The following ZSWIM4 variants were observed in gnomAD, a reference collection of about 807,000 sequenced individuals.
ZSWIM4 encodes the protein zinc finger SWIM-type containing 4.
A neutral mutation model predicts 102.5 loss-of-function variants in ZSWIM4; 62 were observed. That is an observed-to-expected ratio of 0.60 (90% CI 0.49 to 0.75). ZSWIM4 has a LOEUF of 0.75. Ranked by LOEUF, ZSWIM4 falls within the 30% of genes least tolerant of loss-of-function variation. The pLI, the probability that ZSWIM4 is intolerant of heterozygous loss-of-function variation, is 0.00. For missense variants in ZSWIM4, 1,280 were observed against 1,529.6 expected, an observed-to-expected ratio of 0.84 and a Z score of 2.72; for synonymous variants, 652 against 674.5, an observed-to-expected ratio of 0.97 and a Z score of 0.52.
rs746323325 is a variant in ZSWIM4, at chr19:13,814,881, G to A, written c.1531+16G>A. The A allele has an allele frequency of 8.1e-5, 99 of 1,219,460 alleles. No homozygotes were observed. The highest frequency in any genetic ancestry group is 1.0e-4 in the Non-Finnish European group (97 of 943,804). 75.5% of individuals were successfully genotyped at this position (1,219,460 alleles called of 1,614,324 possible). A position where few individuals can be genotyped will look rare whatever the true frequency, so the allele number is the denominator to read the frequency against. On this transcript the variant is annotated intron_variant, in intron 7 of 13. Coordinates refer to ENST00000590508, the MANE Select transcript of ZSWIM4 (RefSeq NM_001367834.3). ...CAGAAAAAAGGTCAGCCTCAGCCGG[G>A]CACGGGGGCTCGCACCTGTGATCCC...
chr19:13,801,456 G>A (rs1974769290), intron 2 of ZSWIM4, among the ~76,000 whole-genome samples: 1 of 152,122 alleles, frequency 6.6e-6, no homozygotes, highest in African/African-American at 2.4e-5. Flanking sequence ...GATGCTTTGG[G>A]CCAGGGGTTT....
intron 11 of ZSWIM4, among the ~76,000 whole-genome samples, chr19:13,824,734 AAATAATAATAATAATAATAAT>A (rs59668197): frequency 0.36 from 52,434 of 146,718 alleles, 10,172 homozygotes; most frequent in African/African-American, 0.52. Context: ...CTCCATCTCA[AAATAATAATAATAATAATAAT>A]AATAATAATA....
At chr19:13,817,090 C>G in intron 7 of ZSWIM4, 126 bp from the exon 8 acceptor site, 1 of 1,344,440 alleles carries the variant, frequency 7.4e-7, no homozygotes, top group South Asian at 1.5e-5. Flanking sequence ...TGAAGGTGAC[C>G]ATTGGGTGAG....
At chr19:13,830,161 G>A (rs1416522809) in intron 13 of ZSWIM4, 30 bp from the exon 14 acceptor site, 1 of 1,594,872 alleles carries the variant, frequency 6.3e-7, no homozygotes, top group Non-Finnish European at 8.5e-7. Flanking sequence ...CCCCGCTCCT[G>A]ACGGATTTCC....
chr19:13,818,998 G>A (rs1413638241), intron 9 of ZSWIM4, among the ~76,000 whole-genome samples: 3 of 152,028 alleles, frequency 2.0e-5, no homozygotes, highest in Non-Finnish European at 4.4e-5. Flanking sequence ...GAGTAGCTGG[G>A]ACTACTTGCG....
rs1309252535 is a variant in ZSWIM4, at chr19:13,809,367, G to T, written c.1012+147G>T. Reference sequence around the variant, plus strand: ...GAGCGCCTCTAAAGTGCCAGGCATGGTACTGGGCACTGGTGGTCCGGCAGA... The same window carrying T: ...GAGCGCCTCTAAAGTGCCAGGCATGTTACTGGGCACTGGTGGTCCGGCAGA... On this transcript the variant is annotated intron_variant, in intron 5 of 13. Transcript: ENST00000590508. The surrounding 1 kb of genome is among the most constrained non-coding windows in gnomAD (Gnocchi z 4.2). 10 of 1,162,928 alleles carry T rather than the reference G, an allele frequency of 8.6e-6. No homozygotes were observed. Among genetic ancestry groups the T allele is most frequent in the Non-Finnish European group, 1.1e-5 (9 of 851,674 alleles). The allele number at this position is 1,162,928 out of a possible 1,614,324, so 72.0% of individuals were successfully genotyped here.
chr19:13,806,348 G>A (rs1390847780), intron 3 of ZSWIM4, among the ~76,000 whole-genome samples: 2 of 151,804 alleles, frequency 1.3e-5, no homozygotes, highest in East Asian at 2.0e-4. Flanking sequence ...CAGCCTGGAC[G>A]GGATATTAAC....
At chr19:13,808,053 C>T (rs112844214) in intron 3 of ZSWIM4, among the ~76,000 whole-genome samples, 1 of 151,714 alleles carries the variant, frequency 6.6e-6, no homozygotes, top group Non-Finnish European at 1.5e-5. Flanking sequence ...AGAGAGAGAG[C>T]GAAGGGGGAG....
intron 3 of ZSWIM4, 56 bp downstream of exon 3, chr19:13,805,204 CACTTG>C: frequency 6.9e-7 from 1 of 1,451,438 alleles, no homozygotes; most frequent in Non-Finnish European, 9.5e-7. Flanking sequence ...ACAGCCACGC[CACTTG>C]CTGTGTGCCC....
rs375050232 is a variant in ZSWIM4 at position 13,830,862 on chromosome 19, C to G, written c.3133C>G (p.His1045Asp). The G allele has an allele frequency of 6.2e-7, 1 of 1,613,620 alleles. No homozygotes were observed. Among genetic ancestry groups the G allele is most frequent in the African/African-American group, 1.3e-5 (1 of 74,950 alleles). ...AAVTAYITTS[H>D]SRLTHISPRH... ...AGTCACCGCCTACATCACCACCAGC[C>G]ACTCGCGCCTCACGCACATCAGCCC... The change falls in exon 14 of 14, where the codon CAC becomes GAC. Residue 1045 changes from histidine to aspartate, a missense_variant. Physicochemically the swap from His to Asp is moderately conservative, Grantham distance 81 (BLOSUM62 -1). Transcript: ENST00000590508.
rs1374600723 is a variant in ZSWIM4 at position 13,819,457 on chromosome 19, G to A, written c.2025G>A (p.Pro675=). The A allele has an allele frequency of 2.5e-6, 4 of 1,608,636 alleles. No homozygotes were observed. The highest frequency in any genetic ancestry group is 1.7e-5 in the Admixed American group (1 of 59,224). The change falls in exon 10 of 14, where the codon CCG becomes CCA. Residue 675 remains proline (P), a synonymous_variant. Coordinates refer to ENST00000590508, the MANE Select transcript of ZSWIM4 (RefSeq NM_001367834.3). ...YLFTALLPHD[P]DLAYRLALRA... is the part of the protein sequence containing the mutation. The stretch of plus-strand genomic sequence containing the variant: ...TCACCGCACTGCTGCCTCATGACCC[G>A]GACCTGGCCTATCGCCTCGCGCTGC...
chr19:13,830,576 C>T lies in ZSWIM4; in HGVS notation c.2847C>T (p.Leu949=). ...TGGCGACGCTGGCCCTGGCGCAGCTCAGCATCGCCTTCAACCAGGACAGCC... is the reference window on the plus strand; with the variant it reads ...TGGCGACGCTGGCCCTGGCGCAGCTTAGCATCGCCTTCAACCAGGACAGCC... ...YKLATLALAQ[L]SIAFNQDSHP... The change falls in exon 14 of 14, where the codon CTC becomes CTT. Residue 949 remains leucine (L), a synonymous_variant. Coordinates refer to ENST00000590508, the MANE Select transcript of ZSWIM4 (RefSeq NM_001367834.3). 1 of 1,599,828 alleles carries T rather than the reference C, an allele frequency of 6.3e-7. No individual in the cohort carries two copies. The highest frequency in any genetic ancestry group is 8.5e-7 in the Non-Finnish European group (1 of 1,179,762).
At position 13,830,756 on chromosome 19, in the gene ZSWIM4, TCTGG is replaced by T; in HGVS notation, c.3028_3031del (p.Leu1010AlafsTer3). 3 of 1,607,560 alleles carry T rather than the reference TCTGG, an allele frequency of 1.9e-6. No homozygotes were observed. The highest frequency in any genetic ancestry group is 2.5e-6 in the Non-Finnish European group (3 of 1,177,220). ...GCCGCTGGACTCTCTCGGCGCCCGG[TCTGG>T]GCCCCTTAGGGGCACGCCGGGCCGC... On this transcript the variant is annotated frameshift_variant, in exon 14 of 14. Coordinates refer to ENST00000590508, the MANE Select transcript of ZSWIM4 (RefSeq NM_001367834.3). LOFTEE classifies it high-confidence loss of function.
At position 13,795,701 on chromosome 19, in the gene ZSWIM4, A is replaced by G; in HGVS notation, c.53A>G (p.Glu18Gly). 4 of 1,150,638 alleles carry G rather than the reference A, an allele frequency of 3.5e-6. No homozygotes were observed. The highest frequency in any genetic ancestry group is 4.3e-6 in the Non-Finnish European group (4 of 920,614). The allele number at this position is 1,150,638 out of a possible 1,614,324, so 71.3% of individuals were successfully genotyped here. Reference protein sequence around the residue: ...RSRGCPAGPEERDAGAGAARG... With the variant: ...RSRGCPAGPEGRDAGAGAARG... Reference sequence around the variant, plus strand: ...CGGGGCTGCCCCGCGGGACCCGAGGAGCGCGATGCCGGGGCCGGGGCCGCG... The same window carrying G: ...CGGGGCTGCCCCGCGGGACCCGAGGGGCGCGATGCCGGGGCCGGGGCCGCG... The change falls in exon 1 of 14, where the codon GAG becomes GGG. Residue 18 changes from glutamate to glycine, a missense_variant. Transcript: ENST00000590508.
intron 9 of ZSWIM4, 25 bp from the exon 10 acceptor site, chr19:13,819,332 G>A (rs369080126): frequency 4.3e-5 from 69 of 1,613,096 alleles, no homozygotes; most frequent in Non-Finnish European, 5.5e-5. Flanking sequence ...CACACTTGGG[G>A]ACTGAGCTCA....
Position 13,830,684 on chromosome 19 carries a change from C to T in ZSWIM4, c.2955C>T (p.Leu985=). 6.2e-7 allele frequency: 1 copy of T among 1,605,852 alleles called. No individual in the cohort carries two copies. Residue 985 remains leucine (L), a synonymous_variant, in exon 14 of 14, where the codon CTC becomes CTT. Transcript: ENST00000590508. ...ACGAGCTCTCTGCCATCGTCCCCCT[C>T]ATCATTCGCAGCATCCACTGTGCCC... ...GRHELSAIVP[L]IIRSIHCAPM...
chr19:13,828,997 G>C (rs950470454), intron 13 of ZSWIM4, among the ~76,000 whole-genome samples: 6 of 152,192 alleles, frequency 3.9e-5, no homozygotes, highest in African/African-American at 1.2e-4. Flanking sequence ...CTGCTTGGGA[G>C]GCTGAAGCAG....
intron 7 of ZSWIM4, among the ~76,000 whole-genome samples, chr19:13,816,163 G>T (rs1228505873): frequency 1.3e-5 from 2 of 152,054 alleles, no homozygotes; most frequent in Non-Finnish European, 2.9e-5. Flanking sequence ...AGAGCTAGTC[G>T]ATGGGGTTGA....
intron 12 of ZSWIM4, among the ~76,000 whole-genome samples, chr19:13,827,618 A>T (rs141815719): frequency 5.2e-4 from 79 of 151,538 alleles, no homozygotes; most frequent in East Asian, 7.7e-4. Flanking sequence ...GAAAAGAAAA[A>T]AAAAGAAACT....
Sources: allele counts gnomAD v4.1 joint callset (sites outside exome capture counted in the v4.1 genomes callset), GRCh38; gene constraint gnomAD v4.1.1; non-coding constraint Gnocchi (gnomAD v3.1); transcripts MANE v1.5; gene names NCBI Gene and HGNC (gene_info 2026-07-23, HGNC 2026-07-21).